Variants in ZC3H12B observed in about 807,000 individuals in gnomAD.
ZC3H12B encodes the protein zinc finger CCCH-type containing 12B, also known as probable ribonuclease ZC3H12B.
Under a neutral mutation model 43.9 loss-of-function variants are expected in ZC3H12B, and 7 were observed. The observed-to-expected ratio is 0.16, with a 90% CI of 0.09 to 0.30. The LOEUF is 0.30. Among genes scored for constraint, ZC3H12B ranks in the 10% least tolerant of loss-of-function variants. The pLI is 1.00. For synonymous variants in ZC3H12B, 222 were observed against 241.7 expected (o/e 0.92, Z 0.76); for missense variants, 475 against 670.2 (o/e 0.71, Z 3.22).
At chrX:65,211,533 G>A in the ZC3H12B span, among the ~76,000 whole-genome samples, 1 of 104,328 alleles carries the variant, frequency 9.6e-6, no homozygotes, top group African/African-American at 3.5e-5. Context: ...TAGAAACAGA[G>A]AAACTAAACT....
chrX:65,213,944 CAT>C, the ZC3H12B span, among the ~76,000 whole-genome samples: 9 of 105,933 alleles, frequency 8.5e-5, no homozygotes, highest in South Asian at 3.9e-4. Flanking sequence ...CACACACACA[CAT>C]ATATAACAAG....
exon 5 of ZC3H12B, chrX:65,505,596 G>A (rs1022295639): frequency 1.8e-5 from 2 of 112,420 alleles, no homozygotes; most frequent in African/African-American, 6.5e-5. Flanking sequence ...CAACTTCTTG[G>A]ACTTTCTAAA....
chrX:65,171,122 A>AT, the ZC3H12B span, among the ~76,000 whole-genome samples: 7 of 111,094 alleles, frequency 6.3e-5, no homozygotes, highest in African/African-American at 2.3e-4. Context: ...AGGCACTCTG[A>AT]TTTTTAGAAT....
the ZC3H12B span, among the ~76,000 whole-genome samples, chrX:65,289,004 GA>G: frequency 1.2e-4 from 13 of 109,944 alleles, no homozygotes; most frequent in African/African-American, 2.3e-4. Flanking sequence ...GCTACAAAAA[GA>G]AAAAAATACT....
intron 3 of ZC3H12B, among the ~76,000 whole-genome samples, chrX:65,446,911 G>A (rs978063111): frequency 8.9e-6 from 1 of 111,766 alleles, no homozygotes; most frequent in African/African-American, 3.3e-5. Context: ...ACAATTACTG[G>A]GGGTTCTATT....
chrX:65,425,058 T>C (rs927088491), intron 3 of ZC3H12B, among the ~76,000 whole-genome samples: 8 of 112,151 alleles, frequency 7.1e-5, no homozygotes, highest in African/African-American at 2.6e-4. Flanking sequence ...CTTTGGGCAG[T>C]ATTGCCATTT....
At chrX:65,190,665 C>T in the ZC3H12B span, among the ~76,000 whole-genome samples, 1 of 109,912 alleles carries the variant, frequency 9.1e-6, no homozygotes, top group Non-Finnish European at 1.9e-5. Flanking sequence ...TGAGACTTTG[C>T]TGAAGTTGCT....
At chrX:65,430,027 G>T (rs1569405523) in intron 3 of ZC3H12B, among the ~76,000 whole-genome samples, 1 of 112,435 alleles carries the variant, frequency 8.9e-6, no homozygotes, top group African/African-American at 3.2e-5. Context: ...CTTGTGAGGT[G>T]CCATGGAAAG....
rs182170673 is a variant in ZC3H12B at position 65,499,563 on chromosome X, C to G, written c.984-320C>G. On this transcript the variant is annotated intron_variant, in intron 3 of 4. Coordinates refer to ENST00000338957, the Ensembl canonical transcript of ZC3H12B. ...AGATGGAGGAAAGGGGGCTGCTAGG[C>G]ATGAGGTGAGGGGGACATCATGAAT... Among the ~76,000 whole-genome samples, 15 of 111,312 alleles carry G rather than the reference C, an allele frequency of 1.3e-4. No individual in the cohort carries two copies. In the East Asian group the frequency reaches 4.2e-3, roughly 31 times the overall value.
At chrX:65,093,794 C>G in the ZC3H12B span, among the ~76,000 whole-genome samples, 2 of 111,745 alleles carry the variant, frequency 1.8e-5, 1 homozygote, top group African/African-American at 6.5e-5. Context: ...TCAGATGAGA[C>G]TTTGGATTTT....
At chrX:65,118,172 T>C in the ZC3H12B span, among the ~76,000 whole-genome samples, 3 of 111,883 alleles carry the variant, frequency 2.7e-5, no homozygotes, top group East Asian at 2.8e-4. Context: ...ATTTTCATGA[T>C]ATTGATTCTT....
chrX:65,095,838 C>T, the ZC3H12B span, among the ~76,000 whole-genome samples: 1 of 110,792 alleles, frequency 9.0e-6, no homozygotes, highest in Non-Finnish European at 1.9e-5. Context: ...GTTCACAGTG[C>T]AGGGGGCCAT....
chrX:65,147,858 G>A, the ZC3H12B span, among the ~76,000 whole-genome samples: 2 of 110,768 alleles, frequency 1.8e-5, no homozygotes, highest in Admixed American at 1.9e-4. Flanking sequence ...TGGGTTCATG[G>A]GCTGGCCTTG....
chrX:65,151,606 A>C, the ZC3H12B span, among the ~76,000 whole-genome samples: 2 of 111,914 alleles, frequency 1.8e-5, no homozygotes, highest in African/African-American at 3.2e-5. Flanking sequence ...TAAACTCCTA[A>C]AAGGTATAAC....
chrX:65,313,622 A>G, the ZC3H12B span, among the ~76,000 whole-genome samples: 2 of 112,721 alleles, frequency 1.8e-5, no homozygotes, highest in Non-Finnish European at 3.7e-5. Flanking sequence ...TGACATTTTA[A>G]CAAGCACAGA....
At position 65,470,855 on chromosome X, in the gene ZC3H12B, C is replaced by T. The variant is rs374030561; in HGVS notation, n.408-17791C>T. Among the ~76,000 whole-genome samples the T allele has an allele frequency of 5.4e-4, 61 of 112,085 alleles. 1 individual carries two copies. The South Asian group carries it at 0.021, about 38-fold the overall frequency. On this transcript the variant is annotated intron_variant and non_coding_transcript_variant, in intron 3 of 5. Coordinates refer to the ZC3H12B transcript ENST00000617377. The stretch of plus-strand genomic sequence containing the variant: ...TATAGTTTTGAGGATTCCTTTTGGA[C>T]TTGACTTCTAGTTTTTTTCTACTGT...
chrX:65,214,437 G>T, the ZC3H12B span, among the ~76,000 whole-genome samples: 2 of 111,413 alleles, frequency 1.8e-5, no homozygotes, highest in East Asian at 5.6e-4. Flanking sequence ...AATATGTTGT[G>T]TCATTTCCAC....
the ZC3H12B span, among the ~76,000 whole-genome samples, chrX:65,212,656 T>TCA: frequency 1.2e-5 from 1 of 86,393 alleles, no homozygotes; most frequent in African/African-American, 4.4e-5. Flanking sequence ...ATATCATATA[T>TCA]TATATATAAA....
the ZC3H12B span, among the ~76,000 whole-genome samples, chrX:65,333,946 A>G: frequency 1.8e-5 from 2 of 111,947 alleles, no homozygotes; most frequent in African/African-American, 6.5e-5. Flanking sequence ...TTAGGAACAC[A>G]TACCAATATC....
Sources: allele counts gnomAD v4.1 joint callset (sites outside exome capture counted in the v4.1 genomes callset), GRCh38; gene constraint gnomAD v4.1.1; transcripts MANE v1.5; gene names NCBI Gene and HGNC (gene_info 2026-07-23, HGNC 2026-07-21).